Variants in TMEM178B observed in about 807,000 individuals in gnomAD.
TMEM178B encodes the protein transmembrane protein 178B.
A neutral mutation model predicts 31.0 loss-of-function variants in TMEM178B; 5 were observed. The ratio of observed to expected loss-of-function variants is 0.16; its 90% CI spans 0.08 to 0.34. The LOEUF (loss-of-function observed/expected upper bound fraction) is 0.34. Among genes scored for constraint, TMEM178B ranks in the 10% least tolerant of loss-of-function variants. The pLI is 1.00. For synonymous variants in TMEM178B, 164 were observed against 164.0 expected, an observed-to-expected ratio of 1.00 and a Z score of 0.00; for missense variants, 275 against 400.3, an observed-to-expected ratio of 0.69 and a Z score of 2.67.
intron 2 of TMEM178B, among the ~76,000 whole-genome samples, chr7:141,247,205 A>C (rs1263543495): frequency 4.2e-4 from 13 of 30,706 alleles, no homozygotes; most frequent in African/African-American, 6.8e-4. Flanking sequence ...GTTTCTCTCT[A>C]CACACACACA....
At chr7:141,105,752 C>T (rs560003172) in intron 1 of TMEM178B, among the ~76,000 whole-genome samples, 1 of 152,188 alleles carries the variant, frequency 6.6e-6, no homozygotes, top group South Asian at 2.1e-4. Flanking sequence ...CAGAAGTTTG[C>T]ACAAGGTTCA....
At chr7:141,336,141 C>T (rs1020197078) in intron 2 of TMEM178B, among the ~76,000 whole-genome samples, 15 of 152,212 alleles carry the variant, frequency 9.9e-5, no homozygotes, top group East Asian at 9.7e-4. Flanking sequence ...TCGCTGGCCC[C>T]GCCCTGGTCA....
intron 2 of TMEM178B, among the ~76,000 whole-genome samples, chr7:141,376,209 A>C (rs1040888037): frequency 1.3e-5 from 2 of 152,260 alleles, no homozygotes; most frequent in African/African-American, 4.8e-5. Flanking sequence ...TCTACTTTAC[A>C]GAAGAAAGCC....
chr7:141,467,494 C>A (rs1416296312), intron 3 of TMEM178B, among the ~76,000 whole-genome samples: 1 of 152,192 alleles, frequency 6.6e-6, no homozygotes, highest in Non-Finnish European at 1.5e-5. Context: ...TCTACTAAGC[C>A]ATTCGGAGCT....
intron 1 of TMEM178B, among the ~76,000 whole-genome samples, chr7:141,165,471 C>T (rs895743748): frequency 6.6e-6 from 1 of 152,298 alleles, no homozygotes; most frequent in Admixed American, 6.5e-5. Context: ...TATCAGCATG[C>T]CTTACTACTG....
intron 2 of TMEM178B, among the ~76,000 whole-genome samples, chr7:141,346,996 A>G (rs1006371290): frequency 6.6e-6 from 1 of 151,972 alleles, no homozygotes; most frequent in African/African-American, 2.4e-5. Context: ...ACAAGATCTG[A>G]TGGTTTAAGT....
At chr7:141,245,776 A>C (rs2129194440) in intron 2 of TMEM178B, among the ~76,000 whole-genome samples, 1 of 152,324 alleles carries the variant, frequency 6.6e-6, no homozygotes, top group East Asian at 1.9e-4. Flanking sequence ...CTGTGAGTCG[A>C]TCTTCATCCA....
chr7:141,259,231 C>T lies in TMEM178B; in HGVS notation c.496+46527C>T, dbSNP rs535843007. ...TCTTTCTTCTGCCATATGATATACT[C>T]TTTTAAGCCTCTCTAATGAAGTTTT... On this transcript the variant is annotated intron_variant, in intron 2 of 3. Coordinates refer to ENST00000565468, the MANE Select transcript of TMEM178B (RefSeq NM_001195278.2). 1.2e-4 allele frequency among the ~76,000 whole-genome samples: 18 copies of T among 152,254 alleles called. No homozygotes were observed. The South Asian group carries it at 3.7e-3, about 32-fold the overall frequency.
chr7:141,284,627 A>G (rs1798414937), intron 2 of TMEM178B, among the ~76,000 whole-genome samples: 1 of 152,170 alleles, frequency 6.6e-6, no homozygotes, highest in African/African-American at 2.4e-5. Context: ...TGAAAGTGAA[A>G]GTGGCATTTG....
intron 1 of TMEM178B, among the ~76,000 whole-genome samples, chr7:141,159,387 T>C (rs1227152613): frequency 6.6e-6 from 1 of 152,218 alleles, no homozygotes; most frequent in East Asian, 1.9e-4. Context: ...GAAAACAGTA[T>C]GGTAGCTCCC....
intron 1 of TMEM178B, among the ~76,000 whole-genome samples, chr7:141,077,876 A>T (rs544309048): frequency 1.7e-3 from 265 of 152,372 alleles, no homozygotes; most frequent in Non-Finnish European, 3.2e-3. Context: ...TGAAGGGACG[A>T]TTTCTTGAGC....
intron 1 of TMEM178B, among the ~76,000 whole-genome samples, chr7:141,195,594 G>C (rs9886005): frequency 2.6e-5 from 4 of 152,188 alleles, no homozygotes; most frequent in Non-Finnish European, 4.4e-5. Context: ...ACATTTTCCT[G>C]TCTTCTTCTG....
At chr7:141,433,499 T>A (rs1244640247) in intron 2 of TMEM178B, among the ~76,000 whole-genome samples, 2 of 152,192 alleles carry the variant, frequency 1.3e-5, no homozygotes, top group African/African-American at 2.4e-5. Flanking sequence ...ATTTTCCCCA[T>A]CCTTGAAGAC....
chr7:141,307,500 A>T (rs1056422335), intron 2 of TMEM178B, among the ~76,000 whole-genome samples: 2 of 152,042 alleles, frequency 1.3e-5, no homozygotes, highest in Admixed American at 1.3e-4. Flanking sequence ...GGGAGCCCCC[A>T]CCCTTAGGCC....
At chr7:141,440,495 G>C (rs755375321) in intron 3 of TMEM178B, among the ~76,000 whole-genome samples, 152 of 151,872 alleles carry the variant, frequency 1.0e-3, no homozygotes, top group Non-Finnish European at 1.6e-3. Flanking sequence ...GGGATGAACT[G>C]GTTAGCCAAG....
intron 3 of TMEM178B, among the ~76,000 whole-genome samples, chr7:141,457,173 A>G (rs1033621029): frequency 6.6e-6 from 1 of 152,222 alleles, no homozygotes; most frequent in Admixed American, 6.5e-5. Flanking sequence ...TAATGAAAGC[A>G]GTGGAAGCAA....
intron 2 of TMEM178B, among the ~76,000 whole-genome samples, chr7:141,270,740 G>C (rs887180659): frequency 6.6e-6 from 1 of 152,116 alleles, no homozygotes; most frequent in Admixed American, 6.5e-5. Context: ...GCTAGCCTTC[G>C]CTGCTAAATG....
At chr7:141,120,407 C>A (rs1362786006) in intron 1 of TMEM178B, among the ~76,000 whole-genome samples, 1 of 152,126 alleles carries the variant, frequency 6.6e-6, no homozygotes, top group African/African-American at 2.4e-5. Flanking sequence ...CAATACCATA[C>A]AATTGTGCAA....
intron 2 of TMEM178B, among the ~76,000 whole-genome samples, chr7:141,410,209 G>T (rs995959797): frequency 6.6e-6 from 1 of 152,308 alleles, no homozygotes; most frequent in East Asian, 1.9e-4. Flanking sequence ...GGACTTCAGC[G>T]GGGAGTCTGG....
Sources: allele counts gnomAD v4.1 joint callset (sites outside exome capture counted in the v4.1 genomes callset), GRCh38; gene constraint gnomAD v4.1.1; transcripts MANE v1.5; gene names NCBI Gene and HGNC (gene_info 2026-07-23, HGNC 2026-07-21).